The following CTNNA3 variants were observed in gnomAD, a reference collection of about 807,000 sequenced individuals.
CTNNA3 encodes catenin alpha-3.
In CTNNA3, 76 loss-of-function variants were observed where a neutral mutation model predicts 95.7. That is an observed-to-expected ratio of 0.79 (90% CI 0.66 to 0.96). The LOEUF (loss-of-function observed/expected upper bound fraction) is 0.96. CTNNA3 is among the 40% of genes least tolerant of loss of function. The pLI, the probability that CTNNA3 is intolerant of heterozygous loss-of-function variation, is 0.00. For missense variants in CTNNA3, 1,191 were observed against 1,089.8 expected (o/e 1.09, Z -1.31); for synonymous variants, 431 against 374.4 (o/e 1.15, Z -1.74).
In CTNNA3 at chr10:67,190,771, C is replaced by G. The variant is rs149822064; in HGVS notation, c.844-10251G>C. ...ACAAATATGTTTGGCTAATATATGT[C>G]TTTTAAAAAATAAAGACATCAAGAG... On this transcript the variant is annotated intron_variant, in intron 6 of 17. Transcript: ENST00000433211. Among the ~76,000 whole-genome samples, 179 of 151,882 alleles carry G rather than the reference C, an allele frequency of 1.2e-3. 2 individuals are homozygous for G. The highest frequency in any genetic ancestry group is 4.2e-3 in the African/African-American group (173 of 41,496).
chr10:66,105,473 C>T (rs1250586583), intron 13 of CTNNA3, among the ~76,000 whole-genome samples: 1 of 152,182 alleles, frequency 6.6e-6, no homozygotes, highest in Non-Finnish European at 1.5e-5. Flanking sequence ...TTATAAATGT[C>T]TGCTGTTTAT....
chr10:67,147,038 A>G (rs1860882413), intron 7 of CTNNA3, among the ~76,000 whole-genome samples: 1 of 152,192 alleles, frequency 6.6e-6, no homozygotes, highest in Non-Finnish European at 1.5e-5. Flanking sequence ...ATGTTCACAC[A>G]ATGACAAAAT....
intron 11 of CTNNA3, among the ~76,000 whole-genome samples, chr10:66,477,163 T>C (rs1425211707): frequency 2.0e-5 from 3 of 152,154 alleles, no homozygotes; most frequent in Non-Finnish European, 1.5e-5. Context: ...TGATGAAAGA[T>C]AATATATTTG....
intron 10 of CTNNA3, among the ~76,000 whole-genome samples, chr10:66,582,692 A>C (rs1390895260): frequency 6.6e-6 from 1 of 151,700 alleles, no homozygotes; most frequent in East Asian, 1.9e-4. Context: ...GAAGGGATAA[A>C]AGTCAGCATC....
At position 67,006,842 on chromosome 10, in the gene CTNNA3, G is replaced by A. The variant is rs144108631; in HGVS notation, c.1047+173475C>T. Among the ~76,000 whole-genome samples, 642 of 151,706 alleles carry A rather than the reference G, an allele frequency of 4.2e-3. 4 individuals carry two copies. The highest frequency in any genetic ancestry group is 0.015 in the African/African-American group (610 of 41,364). ...GGAGTCTCACTCTGTTGCCCAGGCT[G>A]GAGTGCAGTGGCAAAATCTCAGCTC... On this transcript the variant is annotated intron_variant, in intron 7 of 17. Coordinates refer to ENST00000433211, the MANE Select transcript of CTNNA3 (RefSeq NM_013266.4).
At chr10:66,740,376 T>G (rs1849289169) in intron 9 of CTNNA3, among the ~76,000 whole-genome samples, 1 of 152,188 alleles carries the variant, frequency 6.6e-6, no homozygotes, top group Non-Finnish European at 1.5e-5. Flanking sequence ...TTATGCTCCC[T>G]AGGTTTAGAA....
chr10:66,060,583 C>T (rs1340080885), intron 15 of CTNNA3, among the ~76,000 whole-genome samples: 1 of 151,914 alleles, frequency 6.6e-6, no homozygotes, highest in Middle Eastern at 3.2e-3. Flanking sequence ...GAGTTCAAAC[C>T]AGCAACAGGG....
At chr10:66,529,672 C>A (rs2132045373) in intron 10 of CTNNA3, among the ~76,000 whole-genome samples, 1 of 152,132 alleles carries the variant, frequency 6.6e-6, no homozygotes, top group South Asian at 2.1e-4. Flanking sequence ...TGAGGACCTG[C>A]AATGTGCCGG....
chr10:66,948,986 C>A (rs573527029), intron 7 of CTNNA3, among the ~76,000 whole-genome samples: 2 of 152,094 alleles, frequency 1.3e-5, no homozygotes, highest in Middle Eastern at 3.4e-3. Context: ...TTATTTTTTT[C>A]TTTGCTGTTA....
At chr10:67,120,542 T>A (rs1362222534) in intron 7 of CTNNA3, among the ~76,000 whole-genome samples, 5 of 151,964 alleles carry the variant, frequency 3.3e-5, no homozygotes, top group African/African-American at 1.2e-4. Flanking sequence ...GAAAACCCTC[T>A]GAAATGAAAA....
At chr10:67,347,711 G>A (rs1842480874) in intron 5 of CTNNA3, among the ~76,000 whole-genome samples, 1 of 151,514 alleles carries the variant, frequency 6.6e-6, no homozygotes, top group East Asian at 1.9e-4. Flanking sequence ...AGGTAATTTA[G>A]GTTTTGAGGT....
intron 9 of CTNNA3, among the ~76,000 whole-genome samples, chr10:66,665,560 A>G (rs1002215900): frequency 6.6e-6 from 1 of 152,168 alleles, no homozygotes; most frequent in African/African-American, 2.4e-5. Flanking sequence ...TCTTTACCCA[A>G]TCATGAGTCT....
intron 10 of CTNNA3, among the ~76,000 whole-genome samples, chr10:66,589,310 T>C (rs1843468102): frequency 6.6e-6 from 1 of 151,768 alleles, no homozygotes; most frequent in East Asian, 1.9e-4. Context: ...GGGTGGGAAG[T>C]TCCCTAGCTA....
intron 17 of CTNNA3, among the ~76,000 whole-genome samples, chr10:65,962,412 ATTCT>A (rs2133244069): frequency 6.6e-6 from 1 of 152,094 alleles, no homozygotes; most frequent in Admixed American, 6.6e-5. Flanking sequence ...GAAATTCTTA[ATTCT>A]TTCTTCTTTT....
chr10:67,331,958 G>C (rs909781133), intron 5 of CTNNA3, among the ~76,000 whole-genome samples: 8 of 152,026 alleles, frequency 5.3e-5, no homozygotes, highest in African/African-American at 1.9e-4. Context: ...AGAATATATA[G>C]CCATTCTCAA....
At chr10:66,466,327 C>T (rs113451204) in intron 11 of CTNNA3, among the ~76,000 whole-genome samples, 114 of 135,322 alleles carry the variant, frequency 8.4e-4, no homozygotes, top group Admixed American at 3.6e-3. Flanking sequence ...CACACATACA[C>T]GCACCCACCT....
intron 10 of CTNNA3, among the ~76,000 whole-genome samples, chr10:66,579,729 C>T (rs959560374): frequency 1.3e-4 from 20 of 151,498 alleles, no homozygotes; most frequent in African/African-American, 4.4e-4. Flanking sequence ...TCCTTTATTT[C>T]TGAAGAGTAT....
At chr10:67,078,808 A>G (rs766677937) in intron 7 of CTNNA3, among the ~76,000 whole-genome samples, 10 of 151,930 alleles carry the variant, frequency 6.6e-5, no homozygotes, top group East Asian at 5.8e-4. Flanking sequence ...GAGCCACCGC[A>G]CCCGGCCCTC....
chr10:67,530,382 G>C (rs953571351), intron 4 of CTNNA3, among the ~76,000 whole-genome samples: 1 of 152,226 alleles, frequency 6.6e-6, no homozygotes, highest in African/African-American at 2.4e-5. Flanking sequence ...CCCAGGCTGA[G>C]GTGGTCTCAG....
Sources: allele counts gnomAD v4.1 joint callset (sites outside exome capture counted in the v4.1 genomes callset), GRCh38; gene constraint gnomAD v4.1.1; transcripts MANE v1.5; gene names NCBI Gene and HGNC (gene_info 2026-07-23, HGNC 2026-07-21).